EPHA7: variants seen among roughly 807,000 people sequenced by gnomAD.
The protein encoded by EPHA7 is ephrin type-A receptor 7.
In EPHA7, 25 loss-of-function variants were observed where a neutral mutation model predicts 112.6. That is an observed-to-expected ratio of 0.22 (90% CI 0.16 to 0.31). The LOEUF (loss-of-function observed/expected upper bound fraction) is 0.31, where lower values mean the gene tolerates loss of function less well. Ranked by LOEUF, EPHA7 falls within the 10% of genes least tolerant of loss-of-function variation. The pLI is 1.00. For missense variants in EPHA7, 962 were observed against 1,212.6 expected, an observed-to-expected ratio of 0.79 and a Z score of 3.07; for synonymous variants, 437 against 406.5, an observed-to-expected ratio of 1.07 and a Z score of -0.90.
intron 2 of EPHA7, among the ~76,000 whole-genome samples, chr6:93,411,936 A>G (rs1410481492): frequency 6.6e-6 from 1 of 152,094 alleles, no homozygotes; most frequent in African/African-American, 2.4e-5. Context: ...AAAAATGTCC[A>G]TTTATATGTT....
At chr6:93,273,919 T>A (rs1208187843) in intron 5 of EPHA7, among the ~76,000 whole-genome samples, 1 of 151,868 alleles carries the variant, frequency 6.6e-6, no homozygotes, top group Non-Finnish European at 1.5e-5. Context: ...TCCAACTAAT[T>A]GTGACATGAG....
chr6:93,312,628 T>A (rs1773598501), intron 5 of EPHA7, among the ~76,000 whole-genome samples: 1 of 152,220 alleles, frequency 6.6e-6, no homozygotes, highest in Admixed American at 6.5e-5. Context: ...GTGTATTCAC[T>A]GAAGTAGCAC....
chr6:93,342,890 T>C (rs1282676071), intron 5 of EPHA7, among the ~76,000 whole-genome samples: 1 of 151,760 alleles, frequency 6.6e-6, no homozygotes. Flanking sequence ...TCTTTACTGA[T>C]ATGTGTAAAG....
At chr6:93,324,344 A>C (rs1276224394) in intron 5 of EPHA7, among the ~76,000 whole-genome samples, 3 of 151,426 alleles carry the variant, frequency 2.0e-5, no homozygotes, top group African/African-American at 7.3e-5. Context: ...AATTTAAAAA[A>C]GTTTCTATCT....
intron 5 of EPHA7, among the ~76,000 whole-genome samples, chr6:93,354,633 C>CAAA (rs35810853): frequency 3.1e-5 from 3 of 98,354 alleles, no homozygotes; most frequent in African/African-American, 8.5e-5. Context: ...ACAAATAAAG[C>CAAA]AAAAAAAAAA....
intron 1 of EPHA7, among the ~76,000 whole-genome samples, chr6:93,416,885 G>C (rs934769098): frequency 3.3e-5 from 5 of 152,010 alleles, no homozygotes; most frequent in Non-Finnish European, 2.9e-5. Context: ...GGGGCCGTCG[G>C]AGGGGCGGGG....
intron 14 of EPHA7, among the ~76,000 whole-genome samples, chr6:93,251,786 C>A (rs1018851346): frequency 1.3e-5 from 2 of 151,940 alleles, no homozygotes; most frequent in Non-Finnish European, 2.9e-5. Flanking sequence ...CATTTACATA[C>A]ATGAAGATTT....
At chr6:93,352,108 T>A (rs1037627270) in intron 5 of EPHA7, among the ~76,000 whole-genome samples, 1 of 152,150 alleles carries the variant, frequency 6.6e-6, no homozygotes. Flanking sequence ...TTTGTACAGC[T>A]AGTATGCAGA....
chr6:93,338,021 A>C (rs1774959194), intron 5 of EPHA7, among the ~76,000 whole-genome samples: 1 of 152,034 alleles, frequency 6.6e-6, no homozygotes, highest in Non-Finnish European at 1.5e-5. Flanking sequence ...TGGGAGGGAG[A>C]GAACAAAAGG....
Position 93,329,031 on chromosome 6 carries a change from CAAT to C in EPHA7, c.1324+27683_1324+27685del, listed in dbSNP as rs1393034210. Among the ~76,000 whole-genome samples the C allele has an allele frequency of 2.0e-5, 3 of 151,272 alleles. No homozygotes were observed. In the Admixed American group the frequency reaches 2.0e-4, roughly 10 times the overall value. On this transcript the variant is annotated intron_variant, in intron 5 of 16. Coordinates refer to ENST00000369303, the MANE Select transcript of EPHA7 (RefSeq NM_004440.4). ...CTGTTAATATTAAAAATAACTTTAA[CAAT>C]AACATATACACACAAATAACTAACT...
At chr6:93,305,871 T>C (rs1295790842) in intron 5 of EPHA7, among the ~76,000 whole-genome samples, 2 of 151,944 alleles carry the variant, frequency 1.3e-5, no homozygotes, top group South Asian at 2.1e-4. Context: ...ACAGATATAA[T>C]AGTATTTTAT....
At chr6:93,293,872 T>G (rs1042930953) in intron 5 of EPHA7, among the ~76,000 whole-genome samples, 9 of 152,214 alleles carry the variant, frequency 5.9e-5, no homozygotes, top group African/African-American at 2.2e-4. Context: ...AATAGTAAAA[T>G]GTTTGCAACG....
intron 5 of EPHA7, among the ~76,000 whole-genome samples, chr6:93,292,515 C>T (rs1001425877): frequency 1.6e-4 from 24 of 151,268 alleles, no homozygotes; most frequent in East Asian, 5.8e-4. Flanking sequence ...TTTGGGGGGG[C>T]GGTATTCAGT....
At position 93,410,820 on chromosome 6, in the gene EPHA7, C is replaced by G. The variant is rs1274964503; in HGVS notation, c.513G>C (p.Val171=). 6.2e-7 allele frequency: 1 copy of G among 1,614,070 alleles called. No homozygotes were observed. The highest frequency in any genetic ancestry group is 1.1e-5 in the South Asian group (1 of 91,084). ...GERKMKLNTE[V]REIGPLSKKG... is the part of the protein sequence containing the mutation. ...TTTTGGACAAAGGTCCAATCTCTCT[C>G]ACCTCAGTGTTAAGCTTCATCTTTC... The change falls in exon 3 of 17, where the codon GTG becomes GTC. Residue 171 remains valine, a synonymous_variant. Transcript: ENST00000369303. The surrounding 1 kb of genome is among the most constrained non-coding windows in gnomAD (Gnocchi z 4.0).
intron 3 of EPHA7, among the ~76,000 whole-genome samples, chr6:93,364,838 G>T (rs1776430612): frequency 6.6e-6 from 1 of 152,030 alleles, no homozygotes; most frequent in African/African-American, 2.4e-5. Flanking sequence ...AATTTAGTAT[G>T]TATTTTTGGA....
chr6:93,364,951 T>C (rs2127954113), intron 3 of EPHA7, among the ~76,000 whole-genome samples: 1 of 152,352 alleles, frequency 6.6e-6, no homozygotes, highest in South Asian at 2.1e-4. Context: ...AGATTTTTGA[T>C]ACATTTTATA....
chr6:93,317,860 A>G (rs1773885839), intron 5 of EPHA7, among the ~76,000 whole-genome samples: 1 of 152,142 alleles, frequency 6.6e-6, no homozygotes, highest in Non-Finnish European at 1.5e-5. Flanking sequence ...AGAGAGAGAT[A>G]AAGCAGCTTA....
intron 5 of EPHA7, among the ~76,000 whole-genome samples, chr6:93,323,779 C>G (rs1774185627): frequency 6.6e-6 from 1 of 151,368 alleles, no homozygotes; most frequent in Non-Finnish European, 1.5e-5. Context: ...TTGGATGTAG[C>G]TAAATGCCAG....
intron 5 of EPHA7, among the ~76,000 whole-genome samples, chr6:93,289,670 T>C (rs1772257762): frequency 6.6e-6 from 1 of 152,200 alleles, no homozygotes; most frequent in Non-Finnish European, 1.5e-5. Flanking sequence ...AGAATAATTT[T>C]GTTAAAAGTA....
Sources: gnomAD v4.1 joint callset for allele counts (sites outside exome capture counted in the v4.1 genomes callset) on GRCh38, gnomAD v4.1.1 for gene constraint, Gnocchi (gnomAD v3.1) non-coding constraint, MANE v1.5 for transcripts, NCBI Gene and HGNC (gene_info 2026-07-23, HGNC 2026-07-21) for gene names.